The following CAMK1D variants were observed in gnomAD, a reference collection of about 807,000 sequenced individuals.
The protein encoded by CAMK1D is calcium/calmodulin dependent protein kinase ID, also known as calcium/calmodulin-dependent protein kinase type 1D.
A neutral mutation model predicts 47.7 loss-of-function variants in CAMK1D; 9 were observed. The observed-to-expected ratio is 0.19, with a 90% confidence interval of 0.11 to 0.33. CAMK1D has a LOEUF of 0.33. CAMK1D is among the 10% of genes least tolerant of loss of function. The probability of loss-of-function intolerance (pLI) is 1.00; values close to 1 mark genes in which losing one functional copy is unlikely to be tolerated. For missense variants in CAMK1D, 291 were observed against 488.7 expected (o/e 0.60, Z 3.81); for synonymous variants, 184 against 184.9 (o/e 0.99, Z 0.04).
intron 1 of CAMK1D, among the ~76,000 whole-genome samples, chr10:12,391,523 T>C (rs1314270513): frequency 1.3e-5 from 2 of 152,086 alleles, no homozygotes; most frequent in Non-Finnish European, 2.9e-5. Flanking sequence ...ACCGTTTTTT[T>C]TAAAAAAAAT....
chr10:12,820,261 A>C (rs899713489), intron 8 of CAMK1D, among the ~76,000 whole-genome samples: 4 of 152,190 alleles, frequency 2.6e-5, no homozygotes, highest in Admixed American at 2.6e-4. Context: ...GATGGTCTCG[A>C]TCTCCTAACC....
At chr10:12,440,152 A>G (rs558208536) in intron 1 of CAMK1D, among the ~76,000 whole-genome samples, 1 of 152,358 alleles carries the variant, frequency 6.6e-6, no homozygotes, top group Admixed American at 6.5e-5. Context: ...TCTAAGTCAG[A>G]GAAAGGCAGA....
chr10:12,361,743 A>G (rs1837671505), intron 1 of CAMK1D, among the ~76,000 whole-genome samples: 1 of 150,818 alleles, frequency 6.6e-6, no homozygotes, highest in Non-Finnish European at 1.5e-5. Context: ...TTTAGTAGAG[A>G]CGAGGTTTCA....
rs145956595 is a variant in CAMK1D, at chr10:12,807,058, C to T, written c.642-7137C>T. Among the ~76,000 whole-genome samples the T allele has an allele frequency of 1.4e-3, 213 of 152,268 alleles. 1 individual carries two copies. Among genetic ancestry groups the T allele is most frequent in the African/African-American group, 3.4e-3 (141 of 41,552 alleles). On this transcript the variant is annotated intron_variant, in intron 6 of 10. Transcript: ENST00000619168. ...CTCTGAGTGATCTTATCTGCTGTCC[C>T]GGTTTTCATGCATGTGCTGATGGCT...
chr10:12,736,467 A>C (rs1835193881), intron 3 of CAMK1D, among the ~76,000 whole-genome samples: 1 of 152,226 alleles, frequency 6.6e-6, no homozygotes, highest in Non-Finnish European at 1.5e-5. Flanking sequence ...ATTTTTTTAA[A>C]GCAATTTATT....
At chr10:12,602,895 G>GTTATTATTA (rs71386103) in intron 2 of CAMK1D, among the ~76,000 whole-genome samples, 11,595 of 134,288 alleles carry the variant, frequency 0.086, 670 homozygotes, top group African/African-American at 0.16. Flanking sequence ...CTAACTGCTT[G>GTTATTATTA]TTATTATTAT....
intron 5 of CAMK1D, among the ~76,000 whole-genome samples, chr10:12,771,154 T>A (rs1051257363): frequency 4.6e-5 from 7 of 152,154 alleles, no homozygotes; most frequent in Non-Finnish European, 8.8e-5. Flanking sequence ...GGTCTCAAAC[T>A]CCTGACCTCA....
intron 1 of CAMK1D, among the ~76,000 whole-genome samples, chr10:12,524,341 G>A (rs1165821497): frequency 6.6e-6 from 1 of 152,130 alleles, no homozygotes; most frequent in Non-Finnish European, 1.5e-5. Flanking sequence ...AAATCTAAAA[G>A]TCCTATAACC....
chr10:12,670,642 G>T (rs1160265442), intron 3 of CAMK1D, among the ~76,000 whole-genome samples: 1 of 151,932 alleles, frequency 6.6e-6, no homozygotes, highest in Non-Finnish European at 1.5e-5. Flanking sequence ...CTGCCTCCCG[G>T]GTTCAAGCGA....
rs1835077016 is a variant in CAMK1D, at chr10:12,734,459, CACATACACAT to C, written c.300-26487_300-26478del. Among the ~76,000 whole-genome samples the C allele has an allele frequency of 1.5e-3, 6 of 3,908 alleles. No homozygotes were observed. The South Asian group carries it at 0.19, about 122-fold the overall frequency. The allele number at this position is 3,908 out of a possible 152,430, so 2.6% of individuals were successfully genotyped here. A position where few individuals can be genotyped will look rare whatever the true frequency, so the allele number is the denominator to read the frequency against. On this transcript the variant is annotated intron_variant, in intron 3 of 10. Coordinates refer to ENST00000619168, the MANE Select transcript of CAMK1D (RefSeq NM_153498.4). ...ACACACACACATATGTGTATATATA[CACATACACAT>C]ATGTGTATATATACACATATGTATA...
intron 1 of CAMK1D, among the ~76,000 whole-genome samples, chr10:12,391,976 A>AACACACACACACACACAC (rs10659393): frequency 2.1e-5 from 3 of 143,144 alleles, no homozygotes; most frequent in South Asian, 2.3e-4. Context: ...CTTGTCTTAA[A>AACACACACACACACACAC]ACACACACAC....
intron 1 of CAMK1D, among the ~76,000 whole-genome samples, chr10:12,363,677 T>G (rs1433041242): frequency 6.6e-6 from 1 of 151,214 alleles, no homozygotes; most frequent in Non-Finnish European, 1.5e-5. Context: ...TTTTTTTTTT[T>G]TTTTTTTTTT....
intron 2 of CAMK1D, among the ~76,000 whole-genome samples, chr10:12,619,968 T>C (rs1483235404): frequency 6.6e-6 from 1 of 152,184 alleles, no homozygotes; most frequent in Non-Finnish European, 1.5e-5. Context: ...TGGGATCTTC[T>C]TTTTCACTCA....
At chr10:12,751,098 TAAGATAAGA>T (rs1183815595) in intron 3 of CAMK1D, among the ~76,000 whole-genome samples, 1 of 92,382 alleles carries the variant, frequency 1.1e-5, no homozygotes, top group African/African-American at 4.0e-5. Flanking sequence ...TAAGATAAGA[TAAGATAAGA>T]TAAGATAAGA....
chr10:12,752,772 C>T (rs1199403577), intron 3 of CAMK1D, among the ~76,000 whole-genome samples: 2 of 152,030 alleles, frequency 1.3e-5, no homozygotes, highest in East Asian at 3.9e-4. Flanking sequence ...GTCACTGACC[C>T]AAGAGAGACC....
intron 1 of CAMK1D, among the ~76,000 whole-genome samples, chr10:12,549,976 C>T (rs921428401): frequency 7.9e-5 from 12 of 152,280 alleles, no homozygotes; most frequent in Middle Eastern, 3.4e-3. Context: ...TCCAAGGGTC[C>T]GATTGAGCAG....
At chr10:12,438,474 A>T (rs1445425918) in intron 1 of CAMK1D, among the ~76,000 whole-genome samples, 1 of 152,234 alleles carries the variant, frequency 6.6e-6, no homozygotes, top group African/African-American at 2.4e-5. Flanking sequence ...ATTCTAAGAA[A>T]ACCCTGTTTT....
At chr10:12,694,033 A>T (rs1295477112) in intron 3 of CAMK1D, among the ~76,000 whole-genome samples, 11 of 70,240 alleles carry the variant, frequency 1.6e-4, no homozygotes, top group Admixed American at 5.1e-4. Context: ...TAATATATAT[A>T]AAATATACAT....
intron 5 of CAMK1D, among the ~76,000 whole-genome samples, chr10:12,774,051 T>C (rs534107553): frequency 8.3e-6 from 1 of 120,244 alleles, no homozygotes; most frequent in African/African-American, 3.2e-5. Flanking sequence ...TACCTTCTGT[T>C]CTGGGCACTG....
Sources: gnomAD v4.1 joint callset for allele counts (sites outside exome capture counted in the v4.1 genomes callset) on GRCh38, gnomAD v4.1.1 for gene constraint, MANE v1.5 for transcripts, NCBI Gene and HGNC (gene_info 2026-07-23, HGNC 2026-07-21) for gene names.